GRIK1: variants seen among roughly 807,000 people sequenced by gnomAD.
GRIK1 encodes the protein glutamate receptor ionotropic, kainate 1.
GRIK1 carries 69 observed loss-of-function variants against 105.7 expected under a neutral mutation model. The ratio of observed to expected loss-of-function variants is 0.65; its 90% CI spans 0.54 to 0.80. GRIK1 has a LOEUF of 0.80. Among genes scored for constraint, GRIK1 ranks in the 30% least tolerant of loss-of-function variants. The pLI is 0.00. For missense variants in GRIK1, 1,109 were observed against 1,167.3 expected (o/e 0.95, Z 0.73); for synonymous variants, 438 against 431.3 (o/e 1.02, Z -0.19).
At position 29,938,520 on chromosome 21, in the gene GRIK1, C is replaced by T. The variant is rs184608271; in HGVS notation, c.118+863G>A. ...ACAGACCAAACCTTGGTGGTGGGTG[C>T]TATACACTTATGGCTGTCAGTCCAC... On this transcript the variant is annotated intron_variant, in intron 1 of 17. Coordinates refer to ENST00000327783, the MANE Select transcript of GRIK1 (RefSeq NM_001330994.2). Among the ~76,000 whole-genome samples the T allele has an allele frequency of 1.4e-4, 21 of 152,346 alleles. 1 individual carries two copies. In the East Asian group the frequency reaches 3.9e-3, roughly 28 times the overall value.
chr21:29,770,199 A>G (rs2065780063), intron 1 of GRIK1, among the ~76,000 whole-genome samples: 1 of 152,206 alleles, frequency 6.6e-6, no homozygotes, highest in Non-Finnish European at 1.5e-5. Flanking sequence ...TTATGGTCCA[A>G]GTATATATGA....
rs1034002236 is a variant in GRIK1, at chr21:29,939,311, G to A, written c.118+72C>T. 4 of 912,984 alleles carry A rather than the reference G, an allele frequency of 4.4e-6. No individual in the cohort carries two copies. In the East Asian group the frequency reaches 8.2e-5, roughly 19 times the overall value. 56.6% of individuals were successfully genotyped at this position (912,984 alleles called of 1,614,324 possible). On this transcript the variant is annotated intron_variant, in intron 1 of 17. Coordinates refer to ENST00000327783, the MANE Select transcript of GRIK1 (RefSeq NM_001330994.2). ...TGCGCCGCCGCGCGCTGCCTCGCCC[G>A]GGACCCGCTACACCCGCGTTGGTGC...
chr21:29,642,697 C>T (rs2062536715), intron 7 of GRIK1, 129 bp downstream of exon 7: 4 of 744,496 alleles, frequency 5.4e-6, no homozygotes, highest in East Asian at 5.3e-5. Flanking sequence ...TCTGAGCAGA[C>T]TGGTTGATGA....
At chr21:29,625,049 G>A (rs550198347) in intron 7 of GRIK1, among the ~76,000 whole-genome samples, 39 of 152,208 alleles carry the variant, frequency 2.6e-4, no homozygotes, top group Non-Finnish European at 4.4e-4. Flanking sequence ...TGGAGGGCAC[G>A]AGGCCATGTT....
chr21:29,629,329 C>T (rs982393573), intron 7 of GRIK1, among the ~76,000 whole-genome samples: 1 of 151,496 alleles, frequency 6.6e-6, no homozygotes, highest in Non-Finnish European at 1.5e-5. Context: ...AAAGGGCATT[C>T]TTAGCAGAGG....
At chr21:29,876,522 T>C (rs966927216) in intron 1 of GRIK1, among the ~76,000 whole-genome samples, 2 of 152,182 alleles carry the variant, frequency 1.3e-5, no homozygotes, top group African/African-American at 4.8e-5. Context: ...TTTTTGCAAA[T>C]TATATTCAGC....
chr21:29,906,105 G>A (rs900698867), intron 1 of GRIK1, among the ~76,000 whole-genome samples: 3 of 152,050 alleles, frequency 2.0e-5, no homozygotes, highest in Non-Finnish European at 4.4e-5. Context: ...ACAGCAATTC[G>A]TTTTTTCAAT....
intron 1 of GRIK1, among the ~76,000 whole-genome samples, chr21:29,744,257 TGGAAACTTA>T (rs911897175): frequency 2.0e-5 from 3 of 152,254 alleles, no homozygotes; most frequent in African/African-American, 7.2e-5. Context: ...GAGGCATCCC[TGGAAACTTA>T]GAAAACTTTT....
At position 29,661,205 on chromosome 21, in the gene GRIK1, A is replaced by T. The variant is rs1438628455; in HGVS notation, c.727-6342T>A. 5.9e-5 allele frequency among the ~76,000 whole-genome samples: 9 copies of T among 152,362 alleles called. No individual in the cohort carries two copies. In the East Asian group the frequency reaches 1.7e-3, roughly 29 times the overall value. On this transcript the variant is annotated intron_variant, in intron 4 of 17. Coordinates refer to ENST00000327783, the MANE Select transcript of GRIK1 (RefSeq NM_001330994.2). ...AGTAATAGTGGAATATACAGAAAAT[A>T]GCATTTGACACCAGAAAAATCCTGA...
At chr21:29,671,289 A>T (rs1435189745) in intron 4 of GRIK1, among the ~76,000 whole-genome samples, 2 of 151,352 alleles carry the variant, frequency 1.3e-5, no homozygotes, top group African/African-American at 4.9e-5. Flanking sequence ...CACCTGGCTA[A>T]TTTTTTTGTA....
At chr21:29,932,805 G>A (rs1431703373) in intron 1 of GRIK1, among the ~76,000 whole-genome samples, 1 of 151,622 alleles carries the variant, frequency 6.6e-6, no homozygotes. Flanking sequence ...ATAAAGAATA[G>A]GTTAAATTGT....
chr21:29,676,075 T>G (rs2063260965), intron 3 of GRIK1, among the ~76,000 whole-genome samples: 1 of 152,182 alleles, frequency 6.6e-6, no homozygotes, highest in African/African-American at 2.4e-5. Flanking sequence ...ACCATCAACT[T>G]TTACAGTTGT....
At chr21:29,784,377 T>C (rs1217341253) in intron 1 of GRIK1, among the ~76,000 whole-genome samples, 3 of 152,190 alleles carry the variant, frequency 2.0e-5, no homozygotes, top group Non-Finnish European at 2.9e-5. Context: ...GATAATAATA[T>C]TGACAAATCA....
intron 15 of GRIK1, among the ~76,000 whole-genome samples, chr21:29,560,360 TCTTTCTTCCTTCCTTCCTTCCTTCCTTC>T (rs1247695902): frequency 2.0e-3 from 96 of 46,900 alleles, no homozygotes; most frequent in African/African-American, 8.1e-3. Context: ...TCTTTCTTTT[TCTTTCTTCCTTCCTTCCTTCCTTCCTTC>T]CTTCCTTCCT....
At chr21:29,846,746 T>G (rs899821338) in intron 1 of GRIK1, among the ~76,000 whole-genome samples, 29 of 152,288 alleles carry the variant, frequency 1.9e-4, no homozygotes, top group African/African-American at 6.7e-4. Flanking sequence ...CCTGTTTGAT[T>G]TTGGTTCAGA....
At chr21:29,865,104 A>C (rs2068760503) in intron 1 of GRIK1, among the ~76,000 whole-genome samples, 1 of 152,222 alleles carries the variant, frequency 6.6e-6, no homozygotes, top group Non-Finnish European at 1.5e-5. Context: ...TACTGTATAC[A>C]GGACTTTTTT....
At chr21:29,782,680 TCC>T (rs2145786414) in intron 1 of GRIK1, among the ~76,000 whole-genome samples, 1 of 152,336 alleles carries the variant, frequency 6.6e-6, no homozygotes, top group Non-Finnish European at 1.5e-5. Flanking sequence ...GGCAAAGATT[TCC>T]CCATGGATAC....
intron 1 of GRIK1, among the ~76,000 whole-genome samples, chr21:29,866,931 G>A (rs933929007): frequency 1.3e-5 from 2 of 152,148 alleles, no homozygotes; most frequent in African/African-American, 4.8e-5. Context: ...CACTCAGTTT[G>A]GCTCTTTCAA....
chr21:29,740,367 GCCACCACA>G (rs998915569), intron 1 of GRIK1, among the ~76,000 whole-genome samples: 2 of 151,968 alleles, frequency 1.3e-5, no homozygotes, highest in Non-Finnish European at 2.9e-5. Flanking sequence ...ACAGGTACAT[GCCACCACA>G]CCCAACTAAT....
Sources: allele counts gnomAD v4.1 joint callset (sites outside exome capture counted in the v4.1 genomes callset), GRCh38; gene constraint gnomAD v4.1.1; transcripts MANE v1.5; gene names NCBI Gene and HGNC (gene_info 2026-07-23, HGNC 2026-07-21).